CTTNBP2: variants seen among roughly 807,000 people sequenced by gnomAD.
The protein encoded by CTTNBP2 is cortactin-binding protein 2.
In CTTNBP2, 108 loss-of-function variants were observed where a neutral mutation model predicts 156.9. The observed-to-expected ratio is 0.69, with a 90% confidence interval of 0.59 to 0.81. CTTNBP2 has a LOEUF of 0.81. Among genes scored for constraint, CTTNBP2 ranks in the 30% least tolerant of loss-of-function variants. CTTNBP2 has a pLI of 0.00. For missense variants in CTTNBP2, 1,924 were observed against 2,035.4 expected, an observed-to-expected ratio of 0.95 and a Z score of 1.05; for synonymous variants, 767 against 751.8, an observed-to-expected ratio of 1.02 and a Z score of -0.33.
intron 22 of CTTNBP2, chr7:117,715,651 T>C (rs111987473): frequency 5.1e-4 from 78 of 152,328 alleles, no homozygotes; most frequent in African/African-American, 1.8e-3. Flanking sequence ...GCCTGCTAAA[T>C]GCCACTTGAT....
rs12673153 is a variant in CTTNBP2 at position 117,775,785 on chromosome 7, C to G, written c.2778+1726G>C. ...AGTTTAAACTATTTACATTTTCCAT[C>G]TTTGTCTCCCAAAAACTTTTATGTC... On this transcript the variant is annotated intron_variant, in intron 8 of 22. Transcript: ENST00000160373. Among the ~76,000 whole-genome samples the G allele has an allele frequency of 8.3e-3, 1,261 of 152,244 alleles. 46 individuals carry two copies. Among genetic ancestry groups the G allele is most frequent in the Admixed American group, 0.058 (881 of 15,282 alleles).
At chr7:117,790,028 C>A (rs1251970709) in intron 4 of CTTNBP2, among the ~76,000 whole-genome samples, 1 of 152,162 alleles carries the variant, frequency 6.6e-6, no homozygotes, top group African/African-American at 2.4e-5. Context: ...ATGCTATTTG[C>A]TTTTCTCTCT....
chr7:117,872,825 G>C, intron 1 of CTTNBP2, among the ~76,000 whole-genome samples: 2 of 152,130 alleles, frequency 1.3e-5, no homozygotes, highest in Admixed American at 1.3e-4. Context: ...CACAGGACCA[G>C]ATGCACACAA....
intron 3 of CTTNBP2, among the ~76,000 whole-genome samples, chr7:117,808,856 T>C (rs1800097884): frequency 6.6e-6 from 1 of 152,234 alleles, no homozygotes; most frequent in African/African-American, 2.4e-5. Flanking sequence ...TTGGTGTTTC[T>C]GCTTTCATCA....
intron 2 of CTTNBP2, among the ~76,000 whole-genome samples, chr7:117,853,687 T>C (rs575473598): frequency 2.6e-5 from 4 of 152,322 alleles, no homozygotes; most frequent in Admixed American, 1.3e-4. Flanking sequence ...TTCATTCTAT[T>C]TGTAACCCTG....
intron 2 of CTTNBP2, among the ~76,000 whole-genome samples, chr7:117,845,527 T>A (rs1262770973): frequency 6.6e-6 from 1 of 152,230 alleles, no homozygotes; most frequent in African/African-American, 2.4e-5. Context: ...AAAGGATATC[T>A]TAAATAGCAC....
chr7:117,771,476 T>C (rs1797794389), intron 8 of CTTNBP2, among the ~76,000 whole-genome samples: 1 of 152,088 alleles, frequency 6.6e-6, no homozygotes, highest in Non-Finnish European at 1.5e-5. Flanking sequence ...TGGCCAAAGA[T>C]GAAGTTGGCT....
intron 16 of CTTNBP2, among the ~76,000 whole-genome samples, chr7:117,732,183 T>G (rs1368993915): frequency 6.6e-6 from 1 of 152,100 alleles, no homozygotes; most frequent in Non-Finnish European, 1.5e-5. Flanking sequence ...TCAGCATACA[T>G]TTTTCCAAAA....
At chr7:117,775,246 A>G (rs2116752449) in intron 8 of CTTNBP2, among the ~76,000 whole-genome samples, 1 of 152,312 alleles carries the variant, frequency 6.6e-6, no homozygotes, top group South Asian at 2.1e-4. Context: ...CCCACTTAAA[A>G]AAATCTCTTT....
At chr7:117,856,777 T>C (rs1803350885) in intron 2 of CTTNBP2, among the ~76,000 whole-genome samples, 1 of 152,218 alleles carries the variant, frequency 6.6e-6, no homozygotes, top group South Asian at 2.1e-4. Flanking sequence ...TGTAAACTCA[T>C]GCTAATGATG....
intron 2 of CTTNBP2, among the ~76,000 whole-genome samples, chr7:117,824,007 G>A (rs1475813412): frequency 6.9e-6 from 1 of 144,634 alleles, no homozygotes; most frequent in African/African-American, 2.6e-5. Context: ...TTTCCACTTT[G>A]AGGATGATTT....
At chr7:117,789,229 C>T (rs544207166) in intron 4 of CTTNBP2, among the ~76,000 whole-genome samples, 1 of 152,166 alleles carries the variant, frequency 6.6e-6, no homozygotes, top group African/African-American at 2.4e-5. Flanking sequence ...GCTTCTCTGC[C>T]GAAACCAAAG....
intron 3 of CTTNBP2, among the ~76,000 whole-genome samples, chr7:117,796,416 C>T (rs1249048337): frequency 6.6e-6 from 1 of 151,376 alleles, no homozygotes; most frequent in Non-Finnish European, 1.5e-5. Flanking sequence ...TAACATACTC[C>T]CATACTTTAA....
At chr7:117,870,143 T>C (rs1438844292) in intron 1 of CTTNBP2, among the ~76,000 whole-genome samples, 3 of 152,226 alleles carry the variant, frequency 2.0e-5, no homozygotes, top group South Asian at 4.1e-4. Flanking sequence ...TTGCCTCTCA[T>C]GACACCATCA....
intron 8 of CTTNBP2, among the ~76,000 whole-genome samples, chr7:117,769,196 T>C (rs1584972023): frequency 6.6e-6 from 1 of 152,190 alleles, no homozygotes; most frequent in East Asian, 1.9e-4. Flanking sequence ...CTCTGAAACA[T>C]ACTTTTAAAT....
chr7:117,832,863 C>T (rs888314789), intron 2 of CTTNBP2, among the ~76,000 whole-genome samples: 2 of 150,622 alleles, frequency 1.3e-5, no homozygotes, highest in Non-Finnish European at 2.9e-5. Flanking sequence ...TCTCCTGCCT[C>T]AGCCTCCTGA....
intron 1 of CTTNBP2, among the ~76,000 whole-genome samples, chr7:117,869,868 A>C (rs1401398260): frequency 6.6e-6 from 1 of 152,162 alleles, no homozygotes; most frequent in Non-Finnish European, 1.5e-5. Flanking sequence ...ATTCCAGTCA[A>C]TTTCCTCAAC....
At chr7:117,740,764 C>T (rs998886239) in intron 14 of CTTNBP2, among the ~76,000 whole-genome samples, 1 of 152,188 alleles carries the variant, frequency 6.6e-6, no homozygotes, top group African/African-American at 2.4e-5. Flanking sequence ...GCTTTCTGCA[C>T]AGTGAAAGAA....
intron 22 of CTTNBP2, chr7:117,714,258 C>G (rs540695392): frequency 6.6e-6 from 1 of 152,308 alleles, no homozygotes; most frequent in Non-Finnish European, 1.5e-5. Flanking sequence ...ACTGTAAAAA[C>G]AGTGCAGGTA....
Sources: gnomAD v4.1 joint callset for allele counts (sites outside exome capture counted in the v4.1 genomes callset) on GRCh38, gnomAD v4.1.1 for gene constraint, MANE v1.5 for transcripts, NCBI Gene and HGNC (gene_info 2026-07-23, HGNC 2026-07-21) for gene names.